CPNE8: variants seen among roughly 807,000 people sequenced by gnomAD.
CPNE8 encodes copine 8.
Under a neutral mutation model 81.5 loss-of-function variants are expected in CPNE8, and 45 were observed. The observed-to-expected ratio is 0.55, with a 90% CI of 0.44 to 0.71. The LOEUF (loss-of-function observed/expected upper bound fraction) is 0.71, where lower values mean the gene tolerates loss of function less well. CPNE8 is among the 30% of genes least tolerant of loss of function. The pLI, the probability that CPNE8 is intolerant of heterozygous loss-of-function variation, is 0.00. For synonymous variants in CPNE8, 252 were observed against 226.3 expected, an observed-to-expected ratio of 1.11 and a Z score of -1.02; for missense variants, 594 against 672.1, an observed-to-expected ratio of 0.88 and a Z score of 1.28.
intron 6 of CPNE8, among the ~76,000 whole-genome samples, chr12:38,786,312 G>T (rs1286839966): frequency 2.0e-5 from 3 of 152,180 alleles, no homozygotes; most frequent in African/African-American, 4.8e-5. Context: ...GCTGCCAAAA[G>T]AGATTAACAT....
At chr12:38,845,538 G>T (rs1278435460) in intron 4 of CPNE8, among the ~76,000 whole-genome samples, 1 of 151,712 alleles carries the variant, frequency 6.6e-6, no homozygotes, top group Non-Finnish European at 1.5e-5. Context: ...TTTTTACCAT[G>T]AATATGTTAC....
chr12:38,672,005 T>C (rs1375026668), intron 18 of CPNE8, among the ~76,000 whole-genome samples: 1 of 152,202 alleles, frequency 6.6e-6, no homozygotes, highest in African/African-American at 2.4e-5. Flanking sequence ...TAAATATAAC[T>C]CATTATGTTC....
chr12:38,765,504 T>C (rs1446915198), intron 8 of CPNE8, among the ~76,000 whole-genome samples: 1 of 152,156 alleles, frequency 6.6e-6, no homozygotes, highest in Non-Finnish European at 1.5e-5. Flanking sequence ...TTTTTGTCTT[T>C]CTTACGAAAT....
upstream of CPNE8, chr12:38,905,612 C>A: frequency 2.0e-6 from 3 of 1,523,566 alleles, no homozygotes; most frequent in Non-Finnish European, 1.8e-6. Context: ...TCCCGTCAGG[C>A]GGGGATGGGG....
chr12:38,872,578 A>C (rs1209222667), intron 3 of CPNE8, among the ~76,000 whole-genome samples: 1 of 152,222 alleles, frequency 6.6e-6, no homozygotes, highest in Admixed American at 6.5e-5. Flanking sequence ...TAAGAAGCTG[A>C]ATTTCTACTT....
At chr12:38,803,607 A>T (rs1158437968) in intron 6 of CPNE8, among the ~76,000 whole-genome samples, 6 of 143,280 alleles carry the variant, frequency 4.2e-5, no homozygotes, top group Non-Finnish European at 7.7e-5. Context: ...CAAGACAGGG[A>T]TGCCCTCTCT....
intron 6 of CPNE8, among the ~76,000 whole-genome samples, chr12:38,796,353 A>G (rs540532192): frequency 4.1e-4 from 63 of 152,296 alleles, no homozygotes; most frequent in African/African-American, 1.5e-3. Flanking sequence ...TAGTTTTTAT[A>G]AAATAATGCA....
chr12:38,867,211 G>C (rs530572775), intron 3 of CPNE8, among the ~76,000 whole-genome samples: 18 of 151,980 alleles, frequency 1.2e-4, no homozygotes, highest in Non-Finnish European at 2.6e-4. Context: ...TGTGCACGAG[G>C]TTTCACCTTT....
intron 16 of CPNE8, among the ~76,000 whole-genome samples, chr12:38,684,082 T>C (rs1036849432): frequency 2.6e-5 from 4 of 152,164 alleles, no homozygotes; most frequent in South Asian, 2.1e-4. Flanking sequence ...TTTTCTCTTA[T>C]CTTTTTATAA....
At chr12:38,683,726 G>A (rs1055806217) in intron 16 of CPNE8, among the ~76,000 whole-genome samples, 1 of 151,994 alleles carries the variant, frequency 6.6e-6, no homozygotes, top group Admixed American at 6.5e-5. Flanking sequence ...AGGAAAAGAT[G>A]ACTCTTAAAT....
chr12:38,906,259 G>A (rs1944570234), upstream of CPNE8: 9 of 985,504 alleles, frequency 9.1e-6, no homozygotes, highest in Non-Finnish European at 1.1e-5. Flanking sequence ...TGGGGACGGT[G>A]GGGCATTGTG....
At chr12:38,872,130 T>A (rs1208320354) in intron 3 of CPNE8, among the ~76,000 whole-genome samples, 1 of 151,896 alleles carries the variant, frequency 6.6e-6, no homozygotes, top group African/African-American at 2.4e-5. Context: ...AGTGAAACTC[T>A]GTCTCAAACA....
chr12:38,761,115 C>T (rs1254866637), intron 9 of CPNE8, among the ~76,000 whole-genome samples: 2 of 152,156 alleles, frequency 1.3e-5, no homozygotes, highest in African/African-American at 2.4e-5. Context: ...TAAGGAGAGT[C>T]TACAGGGGAA....
At chr12:38,878,296 T>C (rs1486259185) in intron 1 of CPNE8, among the ~76,000 whole-genome samples, 1 of 152,168 alleles carries the variant, frequency 6.6e-6, no homozygotes, top group Non-Finnish European at 1.5e-5. Context: ...AACCCTTTCT[T>C]GGGGTCTGGA....
chr12:38,754,427 TA>T (rs1263833255), intron 10 of CPNE8, among the ~76,000 whole-genome samples: 1 of 151,978 alleles, frequency 6.6e-6, no homozygotes, highest in Non-Finnish European at 1.5e-5. Flanking sequence ...GGATATATAT[TA>T]AAAAAACACA....
chr12:38,741,410 T>C (rs1941101497), intron 10 of CPNE8, among the ~76,000 whole-genome samples: 1 of 152,112 alleles, frequency 6.6e-6, no homozygotes, highest in African/African-American at 2.4e-5. Context: ...TTGACAAACC[T>C]GACAAAAACA....
intron 4 of CPNE8, among the ~76,000 whole-genome samples, chr12:38,842,997 A>T (rs147912288): frequency 6.6e-6 from 1 of 152,314 alleles, no homozygotes; most frequent in South Asian, 2.1e-4. Context: ...ACTGGTTACA[A>T]TGTATACGTG....
chr12:38,886,907 G>T (rs1346834743), intron 1 of CPNE8, among the ~76,000 whole-genome samples: 2 of 152,140 alleles, frequency 1.3e-5, no homozygotes, highest in African/African-American at 2.4e-5. Flanking sequence ...GAACTGTGGG[G>T]TGTGTGCCCA....
intron 15 of CPNE8, among the ~76,000 whole-genome samples, chr12:38,689,223 A>G (rs1939613592): frequency 1.3e-5 from 2 of 152,232 alleles, no homozygotes; most frequent in African/African-American, 4.8e-5. Context: ...TAGAACACAT[A>G]GAAAAGCATA....
Sources: allele counts gnomAD v4.1 joint callset (sites outside exome capture counted in the v4.1 genomes callset), GRCh38; gene constraint gnomAD v4.1.1; transcripts MANE v1.5; gene names NCBI Gene and HGNC (gene_info 2026-07-23, HGNC 2026-07-21).